Variants in ATG9B observed in about 807,000 individuals in gnomAD.
ATG9B encodes autophagy-related protein 9B.
ATG9B carries 92 observed loss-of-function variants against 92.9 expected under a neutral mutation model. The observed-to-expected ratio is 0.99, with a 90% confidence interval of 0.84 to 1.18. The LOEUF (loss-of-function observed/expected upper bound fraction) is 1.18. Ranked by LOEUF, ATG9B falls within the 50% of genes most tolerant of loss-of-function variation. ATG9B has a pLI of 0.00. For missense variants in ATG9B, 1,344 were observed against 1,235.0 expected (o/e 1.09, Z -1.32); for synonymous variants, 599 against 551.4 (o/e 1.09, Z -1.21).
downstream of ATG9B, chr7:151,013,597 C>T: frequency 9.5e-7 from 1 of 1,055,390 alleles, no homozygotes; most frequent in Non-Finnish European, 1.3e-6. Flanking sequence ...GTTGACACCG[C>T]CCCAGGGCAC....
rs762889448 is a variant in ATG9B at position 151,017,888 on chromosome 7, G to T, written c.2035C>A (p.Arg679Ser). The change falls in exon 8 of 14, where the codon CGC (arginine) becomes AGC (serine). Residue 679 changes from arginine (R) to serine (S), a missense_variant. Physicochemically the swap from Arg to Ser is moderately radical, Grantham distance 110 (BLOSUM62 -1). Coordinates refer to ENST00000639579, the MANE Select transcript of ATG9B (RefSeq NM_001317056.2). The part of the protein sequence containing the change: ...ICSFALMDVK[R>S]HGHPQWLSAG... ...GCTCTGACCTGAGGGTGTCCGTGGC[G>T]CTTCACATCCATAAGGGCAAAGGAA... 18 of 1,608,526 alleles carry T rather than the reference G, an allele frequency of 1.1e-5. No homozygotes were observed. Among genetic ancestry groups the T allele is most frequent in the Non-Finnish European group, 1.4e-5 (17 of 1,177,454 alleles).
Position 151,015,902 on chromosome 7 carries a change from A to C in ATG9B, c.2769T>G (p.Thr923=), listed in dbSNP as rs61910690. ...TQKEPDRASC[T]D ...CTGACCCTGAGGAGTCGTCTCAGTC[A>C]GTGCAAGAGGCCCGGTCAGGCTCCT... Residue 923 remains threonine (T), a synonymous_variant, in exon 13 of 14, where the codon ACT becomes ACG. Coordinates refer to ENST00000639579, the MANE Select transcript of ATG9B (RefSeq NM_001317056.2). The C allele has an allele frequency of 2.0e-3, 3,160 of 1,551,364 alleles. 39 individuals carry two copies. The African/African-American group carries it at 0.031, about 15-fold the overall frequency.
chr7:151,016,559 A>C (rs1164503092), intron 10 of ATG9B, 32 bp from the exon 11 acceptor site: 3 of 1,544,488 alleles, frequency 1.9e-6, no homozygotes, highest in East Asian at 2.5e-5. Flanking sequence ...GTCAAAAGTC[A>C]TGCCCTCCTC....
chr7:151,016,420 C>T lies in ATG9B; in HGVS notation c.2520+11G>A. On this transcript the variant is annotated intron_variant, in intron 11 of 13. Transcript: ENST00000639579. ...TCTCCACATTTCTCCTTTGGGCACC[C>T]CTCTACTCACCTGGTGCAGGTAGAT... 7.7e-6 allele frequency: 12 copies of T among 1,550,968 alleles called. No homozygotes were observed. Among genetic ancestry groups the T allele is most frequent in the Non-Finnish European group, 1.0e-5 (12 of 1,146,522 alleles).
In ATG9B at chr7:151,024,328, C is replaced by T. The variant is rs1406262248; in HGVS notation, c.96G>A (p.Leu32=). The part of the protein sequence containing the change: ...PGSVPLLPMP[L]PPPPPPSCRG... ...GGCATGAAGGAGGAGGAGGAGGTGG[C>T]AGTGGCATGGGGAGGAGGGGCACCG... The change falls in exon 1 of 14, where the codon CTG becomes CTA. Residue 32 remains leucine, a synonymous_variant. Coordinates refer to ENST00000639579, the MANE Select transcript of ATG9B (RefSeq NM_001317056.2). 7.0e-7 allele frequency: 1 copy of T among 1,427,096 alleles called. No homozygotes were observed. 88.4% of individuals were successfully genotyped at this position (1,427,096 alleles called of 1,614,324 possible).
chr7:151,014,029 G>T, downstream of ATG9B: 1 of 1,613,206 alleles, frequency 6.2e-7, no homozygotes, highest in Non-Finnish European at 8.5e-7. Context: ...CTACCACGAA[G>T]ACATTTTCGG....
chr7:151,017,298 T>C lies in ATG9B; in HGVS notation c.2053-26A>G, dbSNP rs751775878. On this transcript the variant is annotated intron_variant, in intron 8 of 13. Coordinates refer to ENST00000639579, the MANE Select transcript of ATG9B (RefSeq NM_001317056.2). Reference sequence around the variant, plus strand: ...CTGTGAGCAAGGACAGTCTTTCAGGTGCTAAGAACACTGAGCCTTATGGGA... The same window carrying C: ...CTGTGAGCAAGGACAGTCTTTCAGGCGCTAAGAACACTGAGCCTTATGGGA... 6.4e-6 allele frequency: 10 copies of C among 1,553,548 alleles called. No homozygotes were observed. In the East Asian group the frequency reaches 2.3e-4, roughly 35 times the overall value.
chr7:151,024,402 C>CG lies in ATG9B; in HGVS notation c.21_22insC (p.Gly8ArgfsTer141), dbSNP rs1795882005. ...CGCCCCAGCCGCCTTCTTCTCCCCC[C>CG]CCAGCCCATTCGGCTCACCATCAGG... On this transcript the variant is annotated frameshift_variant, in exon 1 of 14. Transcript: ENST00000639579. LOFTEE classifies it high-confidence loss of function. 1 of 1,376,230 alleles carries CG rather than the reference C, an allele frequency of 7.3e-7. No homozygotes were observed. The allele number at this position is 1,376,230 out of a possible 1,614,324, so 85.3% of individuals were successfully genotyped here. A position where few individuals can be genotyped will look rare whatever the true frequency, so the allele number is the denominator to read the frequency against.
In ATG9B at chr7:151,017,289, T is replaced by C. The variant is rs759373197; in HGVS notation, c.2053-17A>G. 6.4e-7 allele frequency: 1 copy of C among 1,565,576 alleles called. No homozygotes were observed. Among genetic ancestry groups the C allele is most frequent in the Non-Finnish European group, 8.7e-7 (1 of 1,152,294 alleles). ...CGAGAGCCACTGTGAGCAAGGACAG[T>C]CTTTCAGGTGCTAAGAACACTGAGC... On this transcript the variant is annotated splice_polypyrimidine_tract_variant and intron_variant, in intron 8 of 13. Coordinates refer to ENST00000639579, the MANE Select transcript of ATG9B (RefSeq NM_001317056.2).
chr7:151,013,690 C>A (rs754048733), downstream of ATG9B: 121 of 1,515,628 alleles, frequency 8.0e-5, 1 homozygote, highest in Middle Eastern at 1.3e-3. Context: ...CGCCCACCCC[C>A]ACCAGGGCCC....
intron 9 of ATG9B, 63 bp downstream of exon 9, chr7:151,016,973 G>A: frequency 6.6e-7 from 1 of 1,524,542 alleles, no homozygotes; most frequent in Admixed American, 2.0e-5. Context: ...AGCCTAGAGG[G>A]GAAGGGTTTG....
intron 5 of ATG9B, chr7:151,020,404 C>G (rs1452448477): frequency 6.5e-6 from 1 of 152,742 alleles, no homozygotes; most frequent in African/African-American, 2.4e-5. Flanking sequence ...GACGGGTGAG[C>G]AGTCTCCCGC....
chr7:151,015,789 A>T (rs1795453624), intron 13 of ATG9B, 76 bp from the exon 14 acceptor site: 3 of 1,437,436 alleles, frequency 2.1e-6, no homozygotes, highest in Non-Finnish European at 1.8e-6. Flanking sequence ...ATCACCCCAA[A>T]TTCCCACCAC....
chr7:151,012,974 A>C (rs943687576), downstream of ATG9B: 1 of 517,296 alleles, frequency 1.9e-6, no homozygotes, highest in Non-Finnish European at 3.4e-6. Flanking sequence ...TGGAATTCTG[A>C]GTCCGAAGCC....
At chr7:151,016,320 C>T (rs1795480615) in intron 11 of ATG9B, 85 bp from the exon 12 acceptor site, 1 of 1,480,784 alleles carries the variant, frequency 6.8e-7, no homozygotes, top group Non-Finnish European at 9.0e-7. Context: ...GGCTTTTCAG[C>T]CTCCTCCTGC....
At chr7:151,017,334 C>T in intron 8 of ATG9B, 62 bp from the exon 9 acceptor site, 1 of 1,453,892 alleles carries the variant, frequency 6.9e-7, no homozygotes, top group African/African-American at 1.4e-5. Context: ...ACAGGTGGGA[C>T]AGGAAACACT....
chr7:151,018,605 C>T lies in ATG9B; in HGVS notation c.1718+15G>A, dbSNP rs1427022306. The T allele has an allele frequency of 6.3e-7, 1 of 1,593,570 alleles. No homozygotes were observed. Among genetic ancestry groups the T allele is most frequent in the South Asian group, 1.1e-5 (1 of 90,176 alleles). On this transcript the variant is annotated intron_variant, in intron 6 of 13. Transcript: ENST00000639579. This position sits in a 1 kb window ranked among gnomAD's most constrained non-coding sequence, Gnocchi z 4.7. ...AACCAACACACACCACCACCCCGGG[C>T]ATCTGCCGTCGCACCTGGCGACGGT... is the stretch of plus-strand genomic sequence containing the variant.
In ATG9B at chr7:151,016,841, G is replaced by A. The variant is rs973400746; in HGVS notation, c.2290-20C>T. 4.4e-6 allele frequency: 7 copies of A among 1,591,274 alleles called. No individual in the cohort carries two copies. Among genetic ancestry groups the A allele is most frequent in the Admixed American group, 1.8e-5 (1 of 56,714 alleles). On this transcript the variant is annotated intron_variant, in intron 9 of 13. Transcript: ENST00000639579. ...CTCAGGCTGGGTGCAAGAGGAGAGG[G>A]AAAGCCAAAGAGGGAGTCAGAAGAG...
chr7:151,017,168 G>T lies in ATG9B; in HGVS notation c.2157C>A (p.Arg719=), dbSNP rs752808488. ...GAAACTTAGAGCTGTGCCCTGGGGG[G>T]CGCCAGAGTGGATGCGCCAGGGAGA... ...MRFSLAHPLW[R]PPGHSSKFLG... The change falls in exon 9 of 14, where the codon CGC becomes CGA. Residue 719 remains arginine (R), a synonymous_variant. Transcript: ENST00000639579. 4.3e-5 allele frequency: 70 copies of T among 1,613,062 alleles called. 1 individual carries two copies. The South Asian group carries it at 7.6e-4, about 17-fold the overall frequency.
Sources: allele counts gnomAD v4.1 joint callset, GRCh38; gene constraint gnomAD v4.1.1; non-coding constraint Gnocchi (gnomAD v3.1); transcripts MANE v1.5; gene names NCBI Gene and HGNC (gene_info 2026-07-23, HGNC 2026-07-21).